The following AFF3 variants were observed in gnomAD, a reference collection of about 807,000 sequenced individuals.
The protein encoded by AFF3 is AF4/FMR2 family member 3.
A neutral mutation model predicts 129.7 loss-of-function variants in AFF3; 32 were observed. The ratio of observed to expected loss-of-function variants is 0.25; its 90% CI spans 0.19 to 0.33. The LOEUF (loss-of-function observed/expected upper bound fraction) is 0.33. Ranked by LOEUF, AFF3 falls within the 10% of genes least tolerant of loss-of-function variation. The probability of loss-of-function intolerance (pLI) is 1.00; values close to 1 mark genes in which losing one functional copy is unlikely to be tolerated. For synonymous variants in AFF3, 644 were observed against 635.4 expected, an observed-to-expected ratio of 1.01 and a Z score of -0.20; for missense variants, 1,373 against 1,592.0, an observed-to-expected ratio of 0.86 and a Z score of 2.34.
intron 13 of AFF3, among the ~76,000 whole-genome samples, chr2:99,615,472 C>T (rs150356237): frequency 6.6e-6 from 1 of 152,354 alleles, no homozygotes; most frequent in East Asian, 1.9e-4. Context: ...GTTGAAAAGC[C>T]CTTCTTGGCC....
chr2:99,776,190 T>A (rs920755890), intron 8 of AFF3, among the ~76,000 whole-genome samples: 3 of 152,222 alleles, frequency 2.0e-5, no homozygotes, highest in African/African-American at 7.2e-5. Flanking sequence ...GAGTTCCTTA[T>A]AATTGTGTCT....
intron 7 of AFF3, among the ~76,000 whole-genome samples, chr2:99,951,634 A>G (rs1029529920): frequency 6.6e-6 from 1 of 152,150 alleles, no homozygotes; most frequent in Non-Finnish European, 1.5e-5. Context: ...ATACTGTCAT[A>G]TTACAATACC....
intron 2 of AFF3, among the ~76,000 whole-genome samples, chr2:100,127,031 C>A (rs6761509): frequency 6.6e-6 from 1 of 152,204 alleles, no homozygotes; most frequent in East Asian, 1.9e-4. Context: ...TTGGCAGTTG[C>A]GGGTGGTGGC....
intron 12 of AFF3, among the ~76,000 whole-genome samples, chr2:99,668,524 G>T (rs548949754): frequency 3.8e-4 from 58 of 151,516 alleles, no homozygotes; most frequent in Non-Finnish European, 6.2e-4. Context: ...TTTTACTAGA[G>T]AATTCTGCTA....
chr2:99,874,334 T>G (rs895583268), intron 7 of AFF3, among the ~76,000 whole-genome samples: 1 of 152,218 alleles, frequency 6.6e-6, no homozygotes, highest in South Asian at 2.1e-4. Flanking sequence ...TGTCCTTTTG[T>G]GTGTCTGTGT....
chr2:99,789,343 G>A (rs1337435105), intron 8 of AFF3, among the ~76,000 whole-genome samples: 1 of 150,658 alleles, frequency 6.6e-6, no homozygotes, highest in East Asian at 2.0e-4. Flanking sequence ...AGCTACTTGG[G>A]AGGCTGGGGC....
chr2:99,813,352 C>G (rs1686945364), intron 8 of AFF3, among the ~76,000 whole-genome samples: 1 of 152,172 alleles, frequency 6.6e-6, no homozygotes, highest in Non-Finnish European at 1.5e-5. Context: ...CAAAAGCTAA[C>G]AGGATGCTTC....
chr2:99,695,264 C>T (rs562847776), intron 11 of AFF3, among the ~76,000 whole-genome samples: 1 of 152,284 alleles, frequency 6.6e-6, no homozygotes, highest in African/African-American at 2.4e-5. Context: ...TGGACAGCAC[C>T]AGTGGCCCTG....
chr2:99,649,903 T>G (rs1375502684), intron 12 of AFF3, among the ~76,000 whole-genome samples: 1 of 151,946 alleles, frequency 6.6e-6, no homozygotes, highest in African/African-American at 2.4e-5. Flanking sequence ...AACTAGGGGA[T>G]GAGTTTGTCG....
chr2:99,827,961 G>A lies in AFF3; in HGVS notation c.921+9516C>T, dbSNP rs1187213132. Among the ~76,000 whole-genome samples the A allele has an allele frequency of 3.3e-5, 5 of 152,216 alleles. No homozygotes were observed. The East Asian group carries it at 9.7e-4, about 30-fold the overall frequency. Reference sequence around the variant, plus strand: ...ACAGAGAAGGTGAAGCGTCTGCGGAGGGTGACGAGGACAGTGACAAGGAGG... The same window carrying A: ...ACAGAGAAGGTGAAGCGTCTGCGGAAGGTGACGAGGACAGTGACAAGGAGG... On this transcript the variant is annotated intron_variant, in intron 8 of 24. Coordinates refer to ENST00000672756, the MANE Select transcript of AFF3 (RefSeq NM_001386135.1).
chr2:99,986,044 C>CA (rs1559033931), intron 7 of AFF3, among the ~76,000 whole-genome samples: 1 of 151,494 alleles, frequency 6.6e-6, no homozygotes, highest in African/African-American at 2.4e-5. Flanking sequence ...GCTAAAAATA[C>CA]AAAAAAATTA....
At chr2:99,668,689 A>T (rs1686897065) in intron 12 of AFF3, among the ~76,000 whole-genome samples, 1 of 151,182 alleles carries the variant, frequency 6.6e-6, no homozygotes, top group Admixed American at 6.6e-5. Context: ...CAGCATCCTA[A>T]GTAGCTAGGA....
intron 8 of AFF3, among the ~76,000 whole-genome samples, chr2:99,801,516 C>A (rs1341125874): frequency 6.6e-6 from 1 of 152,102 alleles, no homozygotes; most frequent in Non-Finnish European, 1.5e-5. Flanking sequence ...GCAAGGTAAC[C>A]CGCAGACCAA....
chr2:99,802,834 T>C (rs1399776003), intron 8 of AFF3, among the ~76,000 whole-genome samples: 1 of 152,060 alleles, frequency 6.6e-6, no homozygotes, highest in Admixed American at 6.6e-5. Context: ...CTGAATTCAT[T>C]TATCAAATCT....
chr2:99,845,016 G>A (rs1210488341), intron 7 of AFF3, among the ~76,000 whole-genome samples: 2 of 151,488 alleles, frequency 1.3e-5, no homozygotes, highest in African/African-American at 4.9e-5. Context: ...GAATAATGCC[G>A]GTTATCTACA....
Position 99,980,464 on chromosome 2 carries a change from T to C in AFF3, c.873+26168A>G, listed in dbSNP as rs566719214. Among the ~76,000 whole-genome samples, 8 of 152,346 alleles carry C rather than the reference T, an allele frequency of 5.3e-5. No individual in the cohort carries two copies. The East Asian group carries it at 1.2e-3, about 22-fold the overall frequency. On this transcript the variant is annotated intron_variant, in intron 7 of 24. Coordinates refer to ENST00000672756, the MANE Select transcript of AFF3 (RefSeq NM_001386135.1). ...AAAGGCAATGATTTCTCTTTCCCAATATGTGGCAATTTTCAGATGTCAAAG... is the reference window on the plus strand; with the variant it reads ...AAAGGCAATGATTTCTCTTTCCCAACATGTGGCAATTTTCAGATGTCAAAG...
intron 8 of AFF3, among the ~76,000 whole-genome samples, chr2:99,816,098 T>C (rs1395338555): frequency 6.6e-6 from 1 of 152,042 alleles, no homozygotes; most frequent in Non-Finnish European, 1.5e-5. Flanking sequence ...GGTTGACTTA[T>C]CTTCATGCTC....
chr2:99,707,271 C>T (rs1677488105), intron 11 of AFF3: 1 of 985,118 alleles, frequency 1.0e-6, no homozygotes, highest in Non-Finnish European at 1.2e-6. Flanking sequence ...AAAGGAAGAG[C>T]CTTCTTGCTT....
Position 99,594,285 on chromosome 2 carries a change from T to C in AFF3, c.1376A>G (p.Glu459Gly). ...KPPHFSSPEAEPASSNKWQLD... is the reference protein window; with the variant it reads ...KPPHFSSPEAGPASSNKWQLD... The stretch of plus-strand genomic sequence containing the variant: ...CTGCCACTTGTTAGAGGATGCCGGT[T>C]CAGCCTGAAAGCAGAAAACCGGTGA... Residue 459 changes from glutamate (E) to glycine (G), a missense_variant, in exon 15 of 25, where the codon GAA (glutamate) becomes GGA (glycine). This residue lies in a region of AFF3 where 413 missense variants were observed against 424.4 expected (regional missense o/e 0.97). Transcript: ENST00000672756. The C allele has an allele frequency of 6.3e-7, 1 of 1,598,770 alleles. No homozygotes were observed. The highest frequency in any genetic ancestry group is 8.6e-7 in the Non-Finnish European group (1 of 1,169,476).
Sources: gnomAD v4.1 joint callset for allele counts (sites outside exome capture counted in the v4.1 genomes callset) on GRCh38, gnomAD v4.1.1 for gene constraint, gnomAD v4.1.1 regional missense constraint, MANE v1.5 for transcripts, NCBI Gene and HGNC (gene_info 2026-07-23, HGNC 2026-07-21) for gene names.